The following SUFU variants were observed in gnomAD, a reference collection of about 807,000 sequenced individuals.
SUFU encodes suppressor of fused homolog.
In SUFU, 7 loss-of-function variants were observed where a neutral mutation model predicts 58.9. That is an observed-to-expected ratio of 0.12 (90% CI 0.07 to 0.22). The LOEUF is 0.22. SUFU is among the 10% of genes least tolerant of loss of function. The probability of loss-of-function intolerance (pLI) is 1.00; values close to 1 mark genes in which losing one functional copy is unlikely to be tolerated. For missense variants in SUFU, 451 were observed against 641.3 expected (o/e 0.70, Z 3.20); for synonymous variants, 232 against 254.8 (o/e 0.91, Z 0.85).
At chr10:102,594,650 T>C (rs1205367213) in intron 6 of SUFU, among the ~76,000 whole-genome samples, 2 of 152,206 alleles carry the variant, frequency 1.3e-5, no homozygotes, top group African/African-American at 4.8e-5. Flanking sequence ...ATTGTTTCAG[T>C]GTCATCTTTG....
At chr10:102,597,405 T>G (rs2063474740) in intron 7 of SUFU, 112 bp downstream of exon 7, 18 of 1,362,092 alleles carry the variant, frequency 1.3e-5, no homozygotes, top group Admixed American at 2.6e-5. Context: ...TTCAATAGTT[T>G]ATTTCCTGGC....
At chr10:102,537,030 T>G (rs904663624) in intron 2 of SUFU, among the ~76,000 whole-genome samples, 33 of 152,184 alleles carry the variant, frequency 2.2e-4, no homozygotes, top group African/African-American at 7.9e-4. Context: ...AGGCTGGTCT[T>G]GAATTCCTGA....
chr10:102,542,378 A>AC, intron 2 of SUFU, among the ~76,000 whole-genome samples: 1 of 151,228 alleles, frequency 6.6e-6, no homozygotes, highest in East Asian at 2.0e-4. Flanking sequence ...TGATCCGCCC[A>AC]CCTCGGCCTC....
chr10:102,533,999 G>C (rs2062706659), intron 2 of SUFU, among the ~76,000 whole-genome samples: 1 of 152,212 alleles, frequency 6.6e-6, no homozygotes, highest in Non-Finnish European at 1.5e-5. Context: ...GACTGAACTA[G>C]AAGTATCTAG....
Position 102,617,509 on chromosome 10 carries a change from T to G in SUFU, c.1296+81T>G. 1 of 1,589,336 alleles carries G rather than the reference T, an allele frequency of 6.3e-7. No homozygotes were observed. Among genetic ancestry groups the G allele is most frequent in the Non-Finnish European group, 8.6e-7 (1 of 1,158,038 alleles). ...CCTCCTCTTCTCCCTTGGCAGCTCT[T>G]GATGGCACCCCTTCCTGGGGGGCTG... On this transcript the variant is annotated intron_variant, in intron 10 of 11. Transcript: ENST00000369902. This position sits in a 1 kb window ranked among gnomAD's most constrained non-coding sequence, Gnocchi z 4.4.
At chr10:102,623,949 A>G (rs2063764325) in intron 10 of SUFU, among the ~76,000 whole-genome samples, 7 of 152,076 alleles carry the variant, frequency 4.6e-5, no homozygotes, top group Admixed American at 4.6e-4. Flanking sequence ...CTAAAAAATA[A>G]AAAGAAAAGT....
intron 3 of SUFU, among the ~76,000 whole-genome samples, chr10:102,570,180 C>T (rs2063145924): frequency 6.6e-6 from 1 of 151,994 alleles, no homozygotes; most frequent in African/African-American, 2.4e-5. Context: ...GGGATTTAAG[C>T]GCTGGGTGTG....
chr10:102,523,777 G>A (rs757043057), intron 2 of SUFU, among the ~76,000 whole-genome samples: 4 of 152,212 alleles, frequency 2.6e-5, no homozygotes, highest in Non-Finnish European at 5.9e-5. Context: ...TTTAGCCAGG[G>A]CCAGTGGACA....
At chr10:102,566,022 G>A (rs2063085847) in intron 3 of SUFU, among the ~76,000 whole-genome samples, 1 of 152,206 alleles carries the variant, frequency 6.6e-6, no homozygotes, top group Non-Finnish European at 1.5e-5. Flanking sequence ...GAAGCCCACT[G>A]GCAAGCAGAG....
intron 2 of SUFU, among the ~76,000 whole-genome samples, chr10:102,528,031 C>T (rs1184833955): frequency 2.6e-5 from 4 of 152,082 alleles, no homozygotes; most frequent in Non-Finnish European, 5.9e-5. Flanking sequence ...TAAGCCAAAG[C>T]CAAGAGTGGG....
chr10:102,619,549 C>A lies in SUFU; in HGVS notation c.1296+2121C>A. The A allele has an allele frequency of 9.4e-7, 1 of 1,067,374 alleles. No homozygotes were observed. Among genetic ancestry groups the A allele is most frequent in the Non-Finnish European group, 1.1e-6 (1 of 873,668 alleles). The allele number at this position is 1,067,374 out of a possible 1,614,324, so 66.1% of individuals were successfully genotyped here. A position where few individuals can be genotyped will look rare whatever the true frequency, so the allele number is the denominator to read the frequency against. Reference sequence around the variant, plus strand: ...GCTCCTGGGAAGGCTGGCGGAGGCCCCACACCCCAAGCACCCACCCTTGAT... The same window carrying A: ...GCTCCTGGGAAGGCTGGCGGAGGCCACACACCCCAAGCACCCACCCTTGAT... On this transcript the variant is annotated intron_variant, in intron 10 of 11. Transcript: ENST00000369902. The surrounding 1 kb of genome is among the most constrained non-coding windows in gnomAD (Gnocchi z 4.2).
chr10:102,588,223 C>G (rs1012564645), intron 3 of SUFU, among the ~76,000 whole-genome samples: 18 of 152,012 alleles, frequency 1.2e-4, no homozygotes, highest in Non-Finnish European at 4.4e-5. Context: ...GAAACCCCAT[C>G]TCTACTAAAA....
At position 102,615,493 on chromosome 10, in the gene SUFU, C is replaced by G. The variant is rs1590082487; in HGVS notation, c.1157+91C>G. ...TCAGAGCCTCCCCAGCCCCCTCCCCCAGCAGGCGTCCTCCAGGGCCTCCAA... is the reference window on the plus strand; with the variant it reads ...TCAGAGCCTCCCCAGCCCCCTCCCCGAGCAGGCGTCCTCCAGGGCCTCCAA... On this transcript the variant is annotated intron_variant, in intron 9 of 11. Coordinates refer to ENST00000369902, the MANE Select transcript of SUFU (RefSeq NM_016169.4). 3.1e-6 allele frequency: 5 copies of G among 1,593,398 alleles called. No individual in the cohort carries two copies. The African/African-American group carries it at 4.0e-5, about 13-fold the overall frequency.
At chr10:102,527,327 T>C (rs1486858154) in intron 2 of SUFU, among the ~76,000 whole-genome samples, 1 of 152,014 alleles carries the variant, frequency 6.6e-6, no homozygotes, top group Non-Finnish European at 1.5e-5. Flanking sequence ...ATTTGTTGAC[T>C]GATGAGGAAA....
At chr10:102,507,217 G>C (rs1171153166) in intron 1 of SUFU, among the ~76,000 whole-genome samples, 1 of 152,190 alleles carries the variant, frequency 6.6e-6, no homozygotes, top group Non-Finnish European at 1.5e-5. Flanking sequence ...GACACCTTGT[G>C]GGAGACTTGG....
intron 3 of SUFU, among the ~76,000 whole-genome samples, chr10:102,560,575 A>G (rs909237767): frequency 2.0e-5 from 3 of 151,354 alleles, no homozygotes; most frequent in Admixed American, 1.3e-4. Context: ...ACTCAGTCTC[A>G]AAAAAAAAGA....
chr10:102,512,579 T>C (rs4919649), intron 2 of SUFU, among the ~76,000 whole-genome samples: 17,530 of 152,264 alleles, frequency 0.12, 1,478 homozygotes, highest in East Asian at 0.42. Flanking sequence ...TCCTCTTACA[T>C]GTGTTTCATT....
chr10:102,580,029 A>ACCACCCCC (rs2063257920), intron 3 of SUFU, among the ~76,000 whole-genome samples: 1 of 84,664 alleles, frequency 1.2e-5, no homozygotes, highest in Non-Finnish European at 2.5e-5. Flanking sequence ...CCTCCCCCGC[A>ACCACCCCC]CCCCCCCCCC....
Position 102,625,846 on chromosome 10 carries a change from G to A in SUFU, c.1297-1329G>A, listed in dbSNP as rs1302030795. Among the ~76,000 whole-genome samples, 4 of 152,302 alleles carry A rather than the reference G, an allele frequency of 2.6e-5. No homozygotes were observed. The highest frequency in any genetic ancestry group is 7.2e-5 in the African/African-American group (3 of 41,570). ...CCTGTGAGCTCCCGAGCCGTCCTGT[G>A]TGCTCACCTTCCTGTGTGCACTCCT... is the stretch of plus-strand genomic sequence containing the variant. On this transcript the variant is annotated intron_variant, in intron 10 of 11. Coordinates refer to ENST00000369902, the MANE Select transcript of SUFU (RefSeq NM_016169.4). The surrounding 1 kb of genome is among the most constrained non-coding windows in gnomAD (Gnocchi z 4.7).
Sources: gnomAD v4.1 joint callset for allele counts (sites outside exome capture counted in the v4.1 genomes callset) on GRCh38, gnomAD v4.1.1 for gene constraint, Gnocchi (gnomAD v3.1) non-coding constraint, MANE v1.5 for transcripts, NCBI Gene and HGNC (gene_info 2026-07-23, HGNC 2026-07-21) for gene names.